Variants in PCDHA12 observed in about 807,000 individuals in gnomAD.
PCDHA12 encodes the protein protocadherin alpha 12, also known as protocadherin alpha-12.
A neutral mutation model predicts 60.0 loss-of-function variants in PCDHA12; 44 were observed. The observed-to-expected ratio is 0.73, with a 90% confidence interval of 0.58 to 0.94. The LOEUF is 0.94. PCDHA12 is among the 40% of genes least tolerant of loss of function. The probability of loss-of-function intolerance (pLI) is 0.00; values close to 1 mark genes in which losing one functional copy is unlikely to be tolerated. For synonymous variants in PCDHA12, 569 were observed against 553.0 expected (o/e 1.03, Z -0.40); for missense variants, 1,276 against 1,239.7 (o/e 1.03, Z -0.44).
At chr5:140,959,443 G>C (rs1472511414) in intron 1 of PCDHA12, among the ~76,000 whole-genome samples, 1 of 151,580 alleles carries the variant, frequency 6.6e-6, no homozygotes, top group Non-Finnish European at 1.5e-5. Context: ...TTTCTATTTT[G>C]TGCTGAAAAG....
At chr5:140,969,464 C>T in intron 1 of PCDHA12, 2 of 1,491,562 alleles carry the variant, frequency 1.3e-6, no homozygotes, top group South Asian at 2.7e-5. Context: ...ATATAGTATC[C>T]ACAATTTGAT....
intron 3 of PCDHA12, among the ~76,000 whole-genome samples, chr5:141,000,228 G>C (rs994042672): frequency 3.3e-5 from 5 of 151,306 alleles, no homozygotes; most frequent in Non-Finnish European, 2.9e-5. Context: ...CCTGTGTGGA[G>C]CTGAATGTGG....
intron 1 of PCDHA12, among the ~76,000 whole-genome samples, chr5:140,911,001 C>T (rs543025308): frequency 1.3e-5 from 2 of 152,220 alleles, no homozygotes; most frequent in African/African-American, 4.8e-5. Context: ...CCCCTAGGGC[C>T]CTCCTGGGAC....
At chr5:141,003,941 G>A (rs532794918) in intron 3 of PCDHA12, among the ~76,000 whole-genome samples, 1 of 152,236 alleles carries the variant, frequency 6.6e-6, no homozygotes, top group African/African-American at 2.4e-5. Flanking sequence ...TTTGCCTGAG[G>A]GTGAGCTAGG....
chr5:140,928,368 A>G, intron 1 of PCDHA12: 3 of 1,614,212 alleles, frequency 1.9e-6, no homozygotes, highest in Non-Finnish European at 2.5e-6. Context: ...CTGAAGGGCC[A>G]TCAGCCTCTA....
chr5:140,906,258 C>T (rs1162219070), intron 1 of PCDHA12, among the ~76,000 whole-genome samples: 4 of 152,180 alleles, frequency 2.6e-5, no homozygotes, highest in African/African-American at 9.7e-5. Flanking sequence ...TACACACCTC[C>T]TGAAATTATA....
chr5:140,884,514 C>G, intron 1 of PCDHA12: 21 of 1,614,176 alleles, frequency 1.3e-5, no homozygotes, highest in South Asian at 2.2e-5. Flanking sequence ...GGGAGTTGGT[C>G]GTACTCGCAG....
At chr5:140,982,665 A>T in intron 3 of PCDHA12, 102 bp downstream of exon 3, 1 of 1,465,322 alleles carries the variant, frequency 6.8e-7, no homozygotes, top group Non-Finnish European at 9.0e-7. Context: ...TTTCTTTTAT[A>T]TTTTTGTTAT....
At chr5:140,928,657 G>T in intron 1 of PCDHA12, 1 of 1,614,220 alleles carries the variant, frequency 6.2e-7, no homozygotes, top group Admixed American at 1.7e-5. Flanking sequence ...AGAGGATGCT[G>T]ACAGTGGTTC....
chr5:140,943,057 G>A (rs907618778), intron 1 of PCDHA12, among the ~76,000 whole-genome samples: 2 of 151,996 alleles, frequency 1.3e-5, no homozygotes, highest in African/African-American at 4.8e-5. Context: ...AGGAGTTCAA[G>A]AACAGCCTGA....
chr5:140,981,037 A>T (rs1427761331), intron 2 of PCDHA12, among the ~76,000 whole-genome samples: 1 of 152,204 alleles, frequency 6.6e-6, no homozygotes, highest in Non-Finnish European at 1.5e-5. Context: ...TTTGGGGAAA[A>T]AAAACAGATA....
intron 1 of PCDHA12, among the ~76,000 whole-genome samples, chr5:140,946,634 A>ATATATATATAT (rs1554217761): frequency 2.7e-5 from 4 of 147,312 alleles, no homozygotes; most frequent in African/African-American, 7.7e-5. Context: ...ATATATATAC[A>ATATATATATAT]ATGGAATACT....
chr5:140,940,825 G>A (rs782539336), intron 1 of PCDHA12, among the ~76,000 whole-genome samples: 53 of 152,232 alleles, frequency 3.5e-4, no homozygotes, highest in South Asian at 6.2e-4. Context: ...ATCTTGGATG[G>A]AAATACCTTT....
rs1554169286 is a variant in PCDHA12 at position 140,877,074 on chromosome 5, G to A, written c.1602G>A (p.Gln534=). 1 of 1,613,132 alleles carries A rather than the reference G, an allele frequency of 6.2e-7. No homozygotes were observed. The highest frequency in any genetic ancestry group is 8.5e-7 in the Non-Finnish European group (1 of 1,179,848). Residue 534 remains glutamine (Q), a synonymous_variant, in exon 1 of 4, where the codon CAG becomes CAA. Coordinates refer to ENST00000398631, the MANE Select transcript of PCDHA12 (RefSeq NM_018903.4). Reference sequence around the variant, plus strand: ...AGGAGCTGGAGCTGCTGCAGTTCCAGGTGAGCGCGCGCGACGCCGGCGTGC... The same window carrying A: ...AGGAGCTGGAGCTGCTGCAGTTCCAAGTGAGCGCGCGCGACGCCGGCGTGC... ...DHEELELLQF[Q]VSARDAGVPP...
At chr5:140,886,361 G>A (rs374709389) in intron 1 of PCDHA12, among the ~76,000 whole-genome samples, 1 of 151,992 alleles carries the variant, frequency 6.6e-6, no homozygotes, top group African/African-American at 2.4e-5. Context: ...TTACATAGGT[G>A]TACATGCCAT....
chr5:140,922,605 A>G (rs1328283001), intron 1 of PCDHA12, among the ~76,000 whole-genome samples: 2 of 152,258 alleles, frequency 1.3e-5, no homozygotes, highest in African/African-American at 4.8e-5. Flanking sequence ...AGTTGAAGAT[A>G]TATTAAAACT....
intron 1 of PCDHA12, chr5:140,966,441 C>A (rs2096002534): frequency 4.7e-6 from 2 of 424,804 alleles, no homozygotes; most frequent in South Asian, 1.8e-4. Context: ...CTACCGCTCC[C>A]TTTCCCCCTC....
At chr5:140,905,855 A>G (rs1297642648) in intron 1 of PCDHA12, among the ~76,000 whole-genome samples, 1 of 152,128 alleles carries the variant, frequency 6.6e-6, no homozygotes, top group East Asian at 1.9e-4. Context: ...AGGAGTATTA[A>G]CTCACACAAT....
At position 140,910,974 on chromosome 5, in the gene PCDHA12, T is replaced by G. The variant is rs114099897; in HGVS notation, c.2367+33135T>G. Among the ~76,000 whole-genome samples the G allele has an allele frequency of 8.0e-3, 1,211 of 152,160 alleles. 6 individuals carry two copies. The highest frequency in any genetic ancestry group is 0.019 in the African/African-American group (781 of 41,520). On this transcript the variant is annotated intron_variant, in intron 1 of 3. Coordinates refer to ENST00000398631, the MANE Select transcript of PCDHA12 (RefSeq NM_018903.4). ...CGAGTGTAGCACACCTCCTCATGGG[T>G]TATACTCTGAACCTCACCCCTAGGG...
Sources: allele counts gnomAD v4.1 joint callset (sites outside exome capture counted in the v4.1 genomes callset), GRCh38; gene constraint gnomAD v4.1.1; transcripts MANE v1.5; gene names NCBI Gene and HGNC (gene_info 2026-07-23, HGNC 2026-07-21).